The following SOCS2 variants were observed in gnomAD, a reference collection of about 807,000 sequenced individuals.
The protein encoded by SOCS2 is suppressor of cytokine signaling 2.
A neutral mutation model predicts 18.6 loss-of-function variants in SOCS2; 10 were observed. The observed-to-expected ratio is 0.54, with a 90% CI of 0.33 to 0.91. The LOEUF (loss-of-function observed/expected upper bound fraction) is 0.91, where lower values mean the gene tolerates loss of function less well. Among genes scored for constraint, SOCS2 ranks in the 40% least tolerant of loss-of-function variants. The pLI is 0.02. For synonymous variants in SOCS2, 104 were observed against 104.0 expected (o/e 1.00, Z 0.00); for missense variants, 231 against 247.2 (o/e 0.93, Z 0.44).
chr12:93,623,717 T>A, the SOCS2 span, among the ~76,000 whole-genome samples: 1 of 152,184 alleles, frequency 6.6e-6, no homozygotes, highest in Non-Finnish European at 1.5e-5. Flanking sequence ...ATGAATTTTT[T>A]TTTTTTTGAG....
At chr12:93,614,596 T>TTTCTTTCTTTC in the SOCS2 span, among the ~76,000 whole-genome samples, 1 of 116,308 alleles carries the variant, frequency 8.6e-6, no homozygotes, top group Non-Finnish European at 1.7e-5. Flanking sequence ...TCTTTCTTTC[T>TTTCTTTCTTTC]TTCTTTCTTT....
chr12:93,620,894 T>A, the SOCS2 span, among the ~76,000 whole-genome samples: 1 of 152,254 alleles, frequency 6.6e-6, no homozygotes, highest in African/African-American at 2.4e-5. Flanking sequence ...TCTCCTGGTA[T>A]ATGCAGATAG....
downstream of SOCS2, among the ~76,000 whole-genome samples, chr12:93,588,146 C>T (rs1172824433): frequency 2.0e-5 from 3 of 152,178 alleles, no homozygotes; most frequent in Non-Finnish European, 4.4e-5. Flanking sequence ...TTTAGCATTT[C>T]CTTCAAATAA....
At chr12:93,603,401 C>T in the SOCS2 span, among the ~76,000 whole-genome samples, 1 of 152,148 alleles carries the variant, frequency 6.6e-6, no homozygotes, top group African/African-American at 2.4e-5. Flanking sequence ...TCAAGTCACA[C>T]AGCCCTTCAG....
chr12:93,597,476 C>T, the SOCS2 span, among the ~76,000 whole-genome samples: 4 of 152,012 alleles, frequency 2.6e-5, no homozygotes, highest in Non-Finnish European at 4.4e-5. Context: ...CCACCACACC[C>T]GCCTAATTTC....
intron 1 of SOCS2, chr12:93,574,358 A>G (rs1954387602): frequency 6.3e-6 from 1 of 158,912 alleles, no homozygotes; most frequent in Non-Finnish European, 1.4e-5. Flanking sequence ...TTTCTAATTT[A>G]CCTAAATCTT....
the SOCS2 span, among the ~76,000 whole-genome samples, chr12:93,614,362 CTTCTTTCT>C: frequency 0.14 from 10,811 of 79,006 alleles, 1,271 homozygotes; most frequent in Non-Finnish European, 0.18. Flanking sequence ...AGCAATTTTC[CTTCTTTCT>C]TTCTTTCTTT....
At chr12:93,588,270 C>T (rs1954596295), downstream of SOCS2, among the ~76,000 whole-genome samples, 1 of 152,162 alleles carries the variant, frequency 6.6e-6, no homozygotes, top group Non-Finnish European at 1.5e-5. Flanking sequence ...ATCTTTTACA[C>T]TTATCACTAA....
At chr12:93,608,601 C>T in the SOCS2 span, among the ~76,000 whole-genome samples, 2 of 152,100 alleles carry the variant, frequency 1.3e-5, no homozygotes, top group Non-Finnish European at 2.9e-5. Context: ...ACATGCAGCA[C>T]TATAGAACAT....
the SOCS2 span, among the ~76,000 whole-genome samples, chr12:93,614,675 G>C: frequency 6.9e-6 from 1 of 144,862 alleles, no homozygotes; most frequent in South Asian, 2.2e-4. Flanking sequence ...GAGTGCAGTG[G>C]TGTGATCTCA....
At chr12:93,573,395 G>T in intron 1 of SOCS2, 2 of 455,528 alleles carry the variant, frequency 4.4e-6, no homozygotes, top group South Asian at 1.0e-4. Context: ...CAATCAGCAA[G>T]TCGGTGCCGC....
chr12:93,571,708 C>G, upstream of SOCS2: 1 of 291,184 alleles, frequency 3.4e-6, no homozygotes, highest in Non-Finnish European at 6.9e-6. Context: ...GCGCACGGAA[C>G]TCCGACCGCC....
the SOCS2 span, among the ~76,000 whole-genome samples, chr12:93,592,671 T>C: frequency 6.6e-6 from 1 of 152,258 alleles, no homozygotes; most frequent in African/African-American, 2.4e-5. Context: ...AAAATACTGT[T>C]CATTTTTAAA....
the SOCS2 span, among the ~76,000 whole-genome samples, chr12:93,589,185 A>C: frequency 6.6e-6 from 1 of 152,244 alleles, no homozygotes; most frequent in South Asian, 2.1e-4. Context: ...GCTAGACTGC[A>C]GATTCTGGGC....
the SOCS2 span, among the ~76,000 whole-genome samples, chr12:93,624,799 G>A: frequency 9.2e-5 from 14 of 152,306 alleles, no homozygotes; most frequent in East Asian, 2.7e-3. Context: ...GAAGTACACA[G>A]TATGCCACTG....
chr12:93,574,620 T>C (rs1210181487), intron 1 of SOCS2, 102 bp from the exon 2 acceptor site: 2 of 780,796 alleles, frequency 2.6e-6, no homozygotes, highest in African/African-American at 3.5e-5. Context: ...TTTTTCTTTT[T>C]TAGAGCTAAA....
At chr12:93,619,329 TA>T in the SOCS2 span, among the ~76,000 whole-genome samples, 1 of 151,982 alleles carries the variant, frequency 6.6e-6, no homozygotes, top group Non-Finnish European at 1.5e-5. Context: ...ACACAGTCCA[TA>T]GGGGTCAGAC....
chr12:93,612,281 AG>A, the SOCS2 span, among the ~76,000 whole-genome samples: 2 of 152,096 alleles, frequency 1.3e-5, no homozygotes, highest in Admixed American at 6.6e-5. Context: ...CCTCTCCTGC[AG>A]TCTAGGTTGA....
the SOCS2 span, among the ~76,000 whole-genome samples, chr12:93,616,411 A>G: frequency 0.26 from 39,472 of 152,012 alleles, 10,010 homozygotes; most frequent in African/African-American, 0.65. Flanking sequence ...CCCTGATACA[A>G]CCATGCCTGA....
Sources: gnomAD v4.1 joint callset for allele counts (sites outside exome capture counted in the v4.1 genomes callset) on GRCh38, gnomAD v4.1.1 for gene constraint, MANE v1.5 for transcripts, NCBI Gene and HGNC (gene_info 2026-07-23, HGNC 2026-07-21) for gene names.